NEDD1: variants seen among roughly 807,000 people sequenced by gnomAD.
NEDD1 encodes NEDD1 gamma-tubulin ring complex targeting factor.
A neutral mutation model predicts 74.0 loss-of-function variants in NEDD1; 33 were observed. That is an observed-to-expected ratio of 0.45 (90% CI 0.34 to 0.60). The LOEUF (loss-of-function observed/expected upper bound fraction) is 0.60, where lower values mean the gene tolerates loss of function less well. Among genes scored for constraint, NEDD1 ranks in the 20% least tolerant of loss-of-function variants. The pLI is 0.01. For missense variants in NEDD1, 746 were observed against 776.5 expected (o/e 0.96, Z 0.47); for synonymous variants, 250 against 264.4 (o/e 0.95, Z 0.53).
chr12:96,926,096 G>C (rs756362623), intron 6 of NEDD1, among the ~76,000 whole-genome samples: 2 of 152,032 alleles, frequency 1.3e-5, no homozygotes, highest in African/African-American at 4.8e-5. Context: ...CATTTGGTAA[G>C]AGGTCAGTGG....
rs1299312447 is a variant in NEDD1, at chr12:96,942,524, G to C, written c.1247-53G>C. On this transcript the variant is annotated intron_variant, in intron 10 of 15. Coordinates refer to ENST00000266742, the MANE Select transcript of NEDD1 (RefSeq NM_152905.4). ...GGGGAATGAATAAGAAGCCTAAATT[G>C]ATATGGTTTCTTTTTCACTAGTTTT... 5 of 872,002 alleles carry C rather than the reference G, an allele frequency of 5.7e-6. No homozygotes were observed. In the Admixed American group the frequency reaches 1.0e-4, roughly 17 times the overall value. 54.0% of individuals were successfully genotyped at this position (872,002 alleles called of 1,614,324 possible).
intron 14 of NEDD1, among the ~76,000 whole-genome samples, chr12:96,950,106 A>T (rs944615990): frequency 2.6e-5 from 4 of 152,062 alleles, no homozygotes; most frequent in African/African-American, 9.7e-5. Context: ...TTATGTAAAG[A>T]ATGCTTATAA....
At chr12:96,929,876 G>C (rs1304389666) in intron 6 of NEDD1, among the ~76,000 whole-genome samples, 1 of 152,032 alleles carries the variant, frequency 6.6e-6, no homozygotes, top group Non-Finnish European at 1.5e-5. Flanking sequence ...TGGATATTCT[G>C]GGTTTTGACT....
chr12:96,934,934 A>C, intron 6 of NEDD1, 42 bp from the exon 7 acceptor site: 2 of 1,083,680 alleles, frequency 1.8e-6, no homozygotes, highest in Non-Finnish European at 2.7e-6. Flanking sequence ...TGTCCTTATG[A>C]ATGCTTATAA....
intron 2 of NEDD1, 32 bp downstream of exon 2, chr12:96,907,888 C>G (rs1032275280): frequency 1.2e-5 from 16 of 1,314,376 alleles, no homozygotes; most frequent in Non-Finnish European, 1.6e-5. Context: ...TTCCCCGCCC[C>G]GCTTTAAGAG....
chr12:96,926,487 A>G (rs1033070924), intron 6 of NEDD1, among the ~76,000 whole-genome samples: 1 of 152,026 alleles, frequency 6.6e-6, no homozygotes, highest in African/African-American at 2.4e-5. Context: ...GAGGAAAGAC[A>G]GTTTTCATGA....
At chr12:96,930,218 C>A (rs1336848229) in intron 6 of NEDD1, among the ~76,000 whole-genome samples, 1 of 136,122 alleles carries the variant, frequency 7.3e-6, no homozygotes. Flanking sequence ...CACACTCTCT[C>A]TCTCTCTCTC....
At chr12:96,929,556 T>TAC (rs71078436) in intron 6 of NEDD1, among the ~76,000 whole-genome samples, 21,111 of 127,124 alleles carry the variant, frequency 0.17, 1,862 homozygotes, top group Non-Finnish European at 0.21. Context: ...TTTTCATGTA[T>TAC]ACACACACAC....
chr12:96,930,933 T>G (rs1351767877), intron 6 of NEDD1, among the ~76,000 whole-genome samples: 1 of 152,206 alleles, frequency 6.6e-6, no homozygotes, highest in Admixed American at 6.5e-5. Flanking sequence ...ATTGAAAGGA[T>G]TTTAAGCAAA....
rs781594968 is a variant in NEDD1, at chr12:96,936,776, G to A, written c.885G>A (p.Gln295=). The A allele has an allele frequency of 6.2e-7, 1 of 1,612,078 alleles. No homozygotes were observed. The highest frequency in any genetic ancestry group is 8.5e-7 in the Non-Finnish European group (1 of 1,178,326). The change falls in exon 8 of 16, where the codon CAG becomes CAA. Residue 295 remains glutamine (Q), a synonymous_variant. Coordinates refer to ENST00000266742, the MANE Select transcript of NEDD1 (RefSeq NM_152905.4). The stretch of plus-strand genomic sequence containing the variant: ...TCAGTGCTCACAAGACATCTGTGCA[G>A]TGTATAGCATTTCAGTACTCCACTG... ...KTISAHKTSV[Q]CIAFQYSTVL...
chr12:96,918,471 C>T (rs1874709903), intron 5 of NEDD1, among the ~76,000 whole-genome samples: 1 of 152,118 alleles, frequency 6.6e-6, no homozygotes. Context: ...TAATCCATCT[C>T]CCATGTAAGC....
chr12:96,909,804 A>C lies in NEDD1; in HGVS notation c.45A>C (p.Lys15Asn). The C allele has an allele frequency of 6.2e-7, 1 of 1,613,722 alleles. No homozygotes were observed. The highest frequency in any genetic ancestry group is 8.5e-7 in the Non-Finnish European group (1 of 1,179,674). ...LRFASSGDDI[K>N]IWDASSMTLV... is the part of the protein sequence containing the mutation. The stretch of plus-strand genomic sequence containing the variant: ...TTGCTTCATCAGGAGATGATATTAA[A>C]ATATGGGATGCTTCATCTATGACAT... Residue 15 changes from lysine to asparagine, a missense_variant, in exon 3 of 16, where the codon AAA becomes AAC. By Grantham distance (94) the Lys-to-Asn change is moderately conservative. Transcript: ENST00000266742.
intron 9 of NEDD1, among the ~76,000 whole-genome samples, chr12:96,938,820 T>TTC (rs917668425): frequency 1.8e-5 from 2 of 112,062 alleles, no homozygotes; most frequent in African/African-American, 3.3e-5. Context: ...CTGTCTCTCA[T>TTC]TCTCTCTCTC....
At chr12:96,908,023 C>G (rs1873511377) in intron 2 of NEDD1, among the ~76,000 whole-genome samples, 167 bp downstream of exon 2, 1 of 152,192 alleles carries the variant, frequency 6.6e-6, no homozygotes, top group South Asian at 2.1e-4. Flanking sequence ...CTCACCAGGC[C>G]TGGTTACGAT....
chr12:96,918,772 C>T (rs894308060), intron 5 of NEDD1, among the ~76,000 whole-genome samples: 3 of 152,182 alleles, frequency 2.0e-5, no homozygotes, highest in African/African-American at 7.2e-5. Flanking sequence ...ATTAGGAAGA[C>T]ACTTGCCTCT....
At chr12:96,910,483 C>T (rs994162461) in intron 3 of NEDD1, among the ~76,000 whole-genome samples, 1 of 152,116 alleles carries the variant, frequency 6.6e-6, no homozygotes, top group African/African-American at 2.4e-5. Flanking sequence ...TTTTATGTTT[C>T]TGATTGACAC....
At chr12:96,928,894 G>A (rs1876030765) in intron 6 of NEDD1, among the ~76,000 whole-genome samples, 1 of 151,640 alleles carries the variant, frequency 6.6e-6, no homozygotes, top group South Asian at 2.1e-4. Flanking sequence ...GTTTCACCAC[G>A]TTGGCCAGGA....
At chr12:96,923,317 G>A (rs894847114) in intron 6 of NEDD1, among the ~76,000 whole-genome samples, 1 of 151,620 alleles carries the variant, frequency 6.6e-6, no homozygotes, top group African/African-American at 2.4e-5. Flanking sequence ...TAGCTACTGT[G>A]AATATTTTTG....
At chr12:96,951,239 T>A (rs1345959963) in intron 14 of NEDD1, among the ~76,000 whole-genome samples, 193 bp from the exon 15 acceptor site, 1 of 151,874 alleles carries the variant, frequency 6.6e-6, no homozygotes, top group Non-Finnish European at 1.5e-5. Context: ...TTTAAACGAG[T>A]TCTTACATTT....
Sources: allele counts gnomAD v4.1 joint callset (sites outside exome capture counted in the v4.1 genomes callset), GRCh38; gene constraint gnomAD v4.1.1; transcripts MANE v1.5; gene names NCBI Gene and HGNC (gene_info 2026-07-23, HGNC 2026-07-21).